The following YIPF4 variants were observed in gnomAD, a reference collection of about 807,000 sequenced individuals.
YIPF4 encodes protein YIPF4.
In YIPF4, 18 loss-of-function variants were observed where a neutral mutation model predicts 29.4. The observed-to-expected ratio is 0.61, with a 90% CI of 0.42 to 0.91. The LOEUF (loss-of-function observed/expected upper bound fraction) is 0.91. Among genes scored for constraint, YIPF4 ranks in the 40% least tolerant of loss-of-function variants. The probability of loss-of-function intolerance (pLI) is 0.00; values close to 1 mark genes in which losing one functional copy is unlikely to be tolerated. For synonymous variants in YIPF4, 115 were observed against 104.7 expected, an observed-to-expected ratio of 1.10 and a Z score of -0.60; for missense variants, 279 against 282.7, an observed-to-expected ratio of 0.99 and a Z score of 0.09.
At chr2:32,295,122 G>A (rs540604655) in intron 3 of YIPF4, among the ~76,000 whole-genome samples, 4 of 151,948 alleles carry the variant, frequency 2.6e-5, no homozygotes, top group South Asian at 2.1e-4. Flanking sequence ...TAAAATGACC[G>A]TTACTTTAAA....
chr2:32,293,962 C>G lies in YIPF4; in HGVS notation c.405+1614C>G, dbSNP rs2031048605. On this transcript the variant is annotated intron_variant, in intron 3 of 5. Transcript: ENST00000238831. ...GGGGGCTGACCCCCCCAACCTCCCT[C>G]CCGGACGGGGCGGCTGGCTGGGCAG... Among the ~76,000 whole-genome samples the G allele has an allele frequency of 2.0e-5, 3 of 146,580 alleles. No homozygotes were observed. In the South Asian group the frequency reaches 6.5e-4, roughly 32 times the overall value.
intron 1 of YIPF4, among the ~76,000 whole-genome samples, chr2:32,281,237 CT>C (rs369444924): frequency 1.4e-3 from 200 of 144,652 alleles, no homozygotes; most frequent in African/African-American, 2.2e-3. Context: ...CTCATTTGAT[CT>C]TTTTTTTTTT....
rs151236971 is a variant in YIPF4 at position 32,296,333 on chromosome 2, G to A, written c.406-1901G>A. Among the ~76,000 whole-genome samples the A allele has an allele frequency of 6.5e-3, 985 of 152,100 alleles. 11 individuals are homozygous for A. The highest frequency in any genetic ancestry group is 0.022 in the African/African-American group (934 of 41,512). The stretch of plus-strand genomic sequence containing the variant: ...CTAAAAATACAAAAATTAGCTGAGC[G>A]TGGTAGCAGGTGCCTGTAATCCCAG... On this transcript the variant is annotated intron_variant, in intron 3 of 5. Transcript: ENST00000238831.
At chr2:32,284,970 G>A (rs2030602399) in intron 1 of YIPF4, among the ~76,000 whole-genome samples, 1 of 152,136 alleles carries the variant, frequency 6.6e-6, no homozygotes, top group African/African-American at 2.4e-5. Context: ...CTAAACAAAA[G>A]AGTGAAATAT....
At chr2:32,279,234 G>T (rs912825954) in intron 1 of YIPF4, among the ~76,000 whole-genome samples, 1 of 151,932 alleles carries the variant, frequency 6.6e-6, no homozygotes, top group Non-Finnish European at 1.5e-5. Flanking sequence ...GCCTCCCAAA[G>T]TGCTGGGATT....
At chr2:32,294,515 CGGG>C (rs2031088185) in intron 3 of YIPF4, among the ~76,000 whole-genome samples, 10 of 151,212 alleles carry the variant, frequency 6.6e-5, no homozygotes, top group African/African-American at 2.2e-4. Context: ...GGATGGCGGC[CGGG>C]AAGAGGGGCT....
At chr2:32,289,091 A>G (rs905491254) in intron 1 of YIPF4, among the ~76,000 whole-genome samples, 1 of 152,250 alleles carries the variant, frequency 6.6e-6, no homozygotes, top group African/African-American at 2.4e-5. Context: ...CTATGCAATT[A>G]TATGATAACA....
At chr2:32,293,855 C>T (rs1366598053) in intron 3 of YIPF4, among the ~76,000 whole-genome samples, 4 of 147,278 alleles carry the variant, frequency 2.7e-5, no homozygotes, top group Admixed American at 2.7e-4. Context: ...GACCCCCCCA[C>T]CTCCCTCCCG....
In YIPF4 at chr2:32,310,322, C is replaced by A. The variant is rs1216928557; in HGVS notation, c.*4696C>A. 2.0e-5 allele frequency: 3 copies of A among 151,970 alleles called. No individual in the cohort carries two copies. Among genetic ancestry groups the A allele is most frequent in the Non-Finnish European group, 4.4e-5 (3 of 68,008 alleles). The allele number at this position is 151,970 out of a possible 1,614,324, so 9.4% of individuals were successfully genotyped here. A position where few individuals can be genotyped will look rare whatever the true frequency, so the allele number is the denominator to read the frequency against. On this transcript the variant is annotated 3_prime_UTR_variant, in exon 6 of 6. Coordinates refer to ENST00000238831, the MANE Select transcript of YIPF4 (RefSeq NM_032312.4). The stretch of plus-strand genomic sequence containing the variant: ...ACCAGCCTGGGCAAGATAGCGAGAT[C>A]CTGCCTCTGAAAAAATCATAATAAT...
At chr2:32,302,993 TCTTAA>T (rs2031457024) in intron 5 of YIPF4, among the ~76,000 whole-genome samples, 3 of 152,330 alleles carry the variant, frequency 2.0e-5, no homozygotes, top group Admixed American at 2.0e-4. Flanking sequence ...TTCCGAGGTA[TCTTAA>T]CTTTTCTTAC....
chr2:32,301,514 A>G lies in YIPF4; in HGVS notation c.597+19A>G. 1.3e-6 allele frequency: 2 copies of G among 1,520,644 alleles called. No individual in the cohort carries two copies. Among genetic ancestry groups the G allele is most frequent in the South Asian group, 2.3e-5 (2 of 87,340 alleles). The allele number at this position is 1,520,644 out of a possible 1,614,324, so 94.2% of individuals were successfully genotyped here. A position where few individuals can be genotyped will look rare whatever the true frequency, so the allele number is the denominator to read the frequency against. ...TATAAAAGTAAGTTAAGGATTATGT[A>G]TTACATAGTTTACTGTTTTCCAATG... is the stretch of plus-strand genomic sequence containing the variant. On this transcript the variant is annotated intron_variant, in intron 5 of 5. Transcript: ENST00000238831.
At chr2:32,292,731 G>GT (rs1262237013) in intron 3 of YIPF4, among the ~76,000 whole-genome samples, 1 of 151,936 alleles carries the variant, frequency 6.6e-6, no homozygotes, top group African/African-American at 2.4e-5. Flanking sequence ...GGGTGTGGTG[G>GT]TGCACGCCTG....
chr2:32,313,127 C>T lies in YIPF4; in HGVS notation c.*7501C>T, dbSNP rs1464714186. 4 of 151,876 alleles carry T rather than the reference C, an allele frequency of 2.6e-5. No individual in the cohort carries two copies. Among genetic ancestry groups the T allele is most frequent in the African/African-American group, 9.7e-5 (4 of 41,338 alleles). 9.4% of individuals were successfully genotyped at this position (151,876 alleles called of 1,614,324 possible). ...AGAAAAAGAGGCCTGTGGTGGTAAG[C>T]AAGTATATAAAAGAAGCCTTCCTTG... On this transcript the variant is annotated 3_prime_UTR_variant, in exon 6 of 6. Transcript: ENST00000238831.
Position 32,306,333 on chromosome 2 carries a change from T to C in YIPF4, c.*707T>C, listed in dbSNP as rs1573545742. The stretch of plus-strand genomic sequence containing the variant: ...TATACTTTTCAAAACCATTTTTGAA[T>C]GTCCAAACATCTGATTTAAAGTTTC... On this transcript the variant is annotated 3_prime_UTR_variant, in exon 6 of 6. Coordinates refer to ENST00000238831, the MANE Select transcript of YIPF4 (RefSeq NM_032312.4). 3 of 985,826 alleles carry C rather than the reference T, an allele frequency of 3.0e-6. No homozygotes were observed. 61.1% of individuals were successfully genotyped at this position (985,826 alleles called of 1,614,324 possible).
At position 32,315,249 on chromosome 2, in the gene YIPF4, C is replaced by T. The variant is rs1047769361; in HGVS notation, c.*9623C>T. The T allele has an allele frequency of 6.6e-6, 1 of 152,164 alleles. No individual in the cohort carries two copies. 9.4% of individuals were successfully genotyped at this position (152,164 alleles called of 1,614,324 possible). A position where few individuals can be genotyped will look rare whatever the true frequency, so the allele number is the denominator to read the frequency against. On this transcript the variant is annotated 3_prime_UTR_variant, in exon 6 of 6. Transcript: ENST00000238831. ...AGTCAAAGGTGTCCTTATTTAAAAT[C>T]TCTGGAAGCCCCACTTAGTGGCTTC...
Position 32,310,985 on chromosome 2 carries a change from A to C in YIPF4, c.*5359A>C, listed in dbSNP as rs766011939. 1 of 152,172 alleles carries C rather than the reference A, an allele frequency of 6.6e-6. No homozygotes were observed. Among genetic ancestry groups the C allele is most frequent in the Non-Finnish European group, 1.5e-5 (1 of 68,036 alleles). 9.4% of individuals were successfully genotyped at this position (152,172 alleles called of 1,614,324 possible). ...CTAGCAGCATTTTGTGTGTTTGAGA[A>C]TCTCTTGACACTCTTCAAGTAAATC... On this transcript the variant is annotated 3_prime_UTR_variant, in exon 6 of 6. Coordinates refer to ENST00000238831, the MANE Select transcript of YIPF4 (RefSeq NM_032312.4).
In YIPF4 at chr2:32,298,301, TTGG is replaced by T; in HGVS notation, c.477_479del (p.Gly160del). 1 of 1,608,904 alleles carries T rather than the reference TTGG, an allele frequency of 6.2e-7. No homozygotes were observed. The highest frequency in any genetic ancestry group is 8.5e-7 in the Non-Finnish European group (1 of 1,176,222). ...ACAATTTTCTTACTGGCCAGAGTTC[TTGG>T]TGGAGAAGTAAGTAGTTTATTTTGA... is the stretch of plus-strand genomic sequence containing the variant. On this transcript the variant is annotated inframe_deletion, in exon 4 of 6. Coordinates refer to ENST00000238831, the MANE Select transcript of YIPF4 (RefSeq NM_032312.4).
intron 4 of YIPF4, among the ~76,000 whole-genome samples, chr2:32,298,537 T>A (rs751037953): frequency 5.9e-5 from 9 of 152,102 alleles, no homozygotes; most frequent in Non-Finnish European, 1.2e-4. Context: ...ATTGCAGCCT[T>A]TTAGGGAAGC....
In YIPF4 at chr2:32,305,794, C is replaced by T; in HGVS notation, c.*168C>T. The T allele has an allele frequency of 1.6e-6, 2 of 1,233,410 alleles. No homozygotes were observed. The highest frequency in any genetic ancestry group is 2.0e-6 in the Non-Finnish European group (2 of 988,816). 76.4% of individuals were successfully genotyped at this position (1,233,410 alleles called of 1,614,324 possible). On this transcript the variant is annotated 3_prime_UTR_variant, in exon 6 of 6. Coordinates refer to ENST00000238831, the MANE Select transcript of YIPF4 (RefSeq NM_032312.4). ...CAATTTTTTTTTGTATTTAATTAAGCAATTGCAGTTATCTGGGATTTTTGG... is the reference window on the plus strand; with the variant it reads ...CAATTTTTTTTTGTATTTAATTAAGTAATTGCAGTTATCTGGGATTTTTGG...
Sources: allele counts gnomAD v4.1 joint callset (sites outside exome capture counted in the v4.1 genomes callset), GRCh38; gene constraint gnomAD v4.1.1; transcripts MANE v1.5; gene names NCBI Gene and HGNC (gene_info 2026-07-23, HGNC 2026-07-21).